AFF3: variants seen among roughly 807,000 people sequenced by gnomAD.
AFF3 encodes AF4/FMR2 family member 3.
In AFF3, 32 loss-of-function variants were observed where a neutral mutation model predicts 129.7. The observed-to-expected ratio is 0.25, with a 90% confidence interval of 0.19 to 0.33. The LOEUF is 0.33. AFF3 is among the 10% of genes least tolerant of loss of function. The probability of loss-of-function intolerance (pLI) is 1.00; values close to 1 mark genes in which losing one functional copy is unlikely to be tolerated. For missense variants in AFF3, 1,373 were observed against 1,592.0 expected, an observed-to-expected ratio of 0.86 and a Z score of 2.34; for synonymous variants, 644 against 635.4, an observed-to-expected ratio of 1.01 and a Z score of -0.20.
At chr2:99,849,663 T>A (rs1407090795) in intron 7 of AFF3, among the ~76,000 whole-genome samples, 1 of 152,204 alleles carries the variant, frequency 6.6e-6, no homozygotes, top group Admixed American at 6.5e-5. Context: ...TAGAATTACA[T>A]AAAAAGTATT....
chr2:99,861,933 C>T (rs1050006165), intron 7 of AFF3, among the ~76,000 whole-genome samples: 2 of 152,076 alleles, frequency 1.3e-5, no homozygotes, highest in East Asian at 1.9e-4. Flanking sequence ...CTCTTATGGC[C>T]TATTTTCTTG....
At chr2:99,587,820 GC>G (rs1678278347) in intron 15 of AFF3, among the ~76,000 whole-genome samples, 2 of 151,974 alleles carry the variant, frequency 1.3e-5, no homozygotes, top group Admixed American at 1.3e-4. Context: ...CACCATCCTG[GC>G]CAACATGGTG....
At chr2:100,125,041 A>G (rs899026638) in intron 2 of AFF3, among the ~76,000 whole-genome samples, 1 of 152,314 alleles carries the variant, frequency 6.6e-6, no homozygotes, top group Non-Finnish European at 1.5e-5. Context: ...CAAAAGGTAA[A>G]CATGTATCTG....
intron 10 of AFF3, among the ~76,000 whole-genome samples, 199 bp downstream of exon 10, chr2:99,743,905 T>A (rs1553444811): frequency 6.6e-6 from 1 of 152,176 alleles, no homozygotes; most frequent in Non-Finnish European, 1.5e-5. Context: ...TGGCCTTCCT[T>A]TCCTTGAATA....
At chr2:100,017,052 T>A (rs1356952008) in intron 4 of AFF3, among the ~76,000 whole-genome samples, 2 of 151,922 alleles carry the variant, frequency 1.3e-5, no homozygotes, top group Non-Finnish European at 2.9e-5. Context: ...ATGACGATGC[T>A]GGTGGTGGTG....
Position 99,631,311 on chromosome 2 carries a change from C to T in AFF3, c.1184+18315G>A, listed in dbSNP as rs540808548. Among the ~76,000 whole-genome samples, 47 of 152,300 alleles carry T rather than the reference C, an allele frequency of 3.1e-4. 2 individuals carry two copies. In the South Asian group the frequency reaches 6.8e-3, roughly 22 times the overall value. On this transcript the variant is annotated intron_variant, in intron 13 of 24. Coordinates refer to ENST00000672756, the MANE Select transcript of AFF3 (RefSeq NM_001386135.1). ...CAGACAATGTCCTTTAAATTTGTCC[C>T]CATCTGCCTATCAAGAGATTACCCA...
chr2:100,092,169 G>C lies in AFF3; in HGVS notation c.53+12233C>G, dbSNP rs185710803. 1.9e-3 allele frequency among the ~76,000 whole-genome samples: 285 copies of C among 152,150 alleles called. 1 individual carries two copies. The highest frequency in any genetic ancestry group is 3.9e-3 in the South Asian group (19 of 4,816). ...CTTCATGGTCCAAGGGCATTTACAC[G>C]CAATACATTTAAATCCAAAGGGTTC... is the stretch of plus-strand genomic sequence containing the variant. On this transcript the variant is annotated intron_variant, in intron 4 of 24. Transcript: ENST00000672756.
At chr2:100,058,234 G>C (rs1686964274) in intron 4 of AFF3, among the ~76,000 whole-genome samples, 1 of 152,174 alleles carries the variant, frequency 6.6e-6, no homozygotes, top group Admixed American at 6.5e-5. Context: ...CTCAGAGGAA[G>C]CACTTGCCCA....
chr2:100,063,252 CAAAAAAAAAA>C (rs33964775), intron 4 of AFF3, among the ~76,000 whole-genome samples: 1 of 101,814 alleles, frequency 9.8e-6, no homozygotes, highest in Admixed American at 1.2e-4. Context: ...AACTCCATCT[CAAAAAAAAAA>C]AAAAAAAAAA....
chr2:100,135,116 C>T (rs1030271375), intron 1 of AFF3, among the ~76,000 whole-genome samples: 2 of 152,142 alleles, frequency 1.3e-5, no homozygotes, highest in African/African-American at 4.8e-5. Context: ...GGAGAGAGCA[C>T]CAGAACAGTT....
intron 8 of AFF3, among the ~76,000 whole-genome samples, chr2:99,805,881 T>C (rs1422741387): frequency 6.6e-6 from 1 of 151,548 alleles, no homozygotes; most frequent in Non-Finnish European, 1.5e-5. Context: ...GCTCTTTTCA[T>C]GGAACAGGAT....
intron 7 of AFF3, among the ~76,000 whole-genome samples, chr2:99,901,290 A>T (rs1288013887): frequency 6.6e-6 from 1 of 152,180 alleles, no homozygotes; most frequent in South Asian, 2.1e-4. Context: ...TCTACCATGG[A>T]TCTCCTCTAC....
intron 7 of AFF3, among the ~76,000 whole-genome samples, chr2:99,938,799 A>C (rs1674760833): frequency 6.6e-6 from 1 of 152,200 alleles, no homozygotes; most frequent in Non-Finnish European, 1.5e-5. Context: ...AATTATGTGA[A>C]CCAATTCTTT....
At chr2:100,012,602 C>T (rs1049500489) in intron 4 of AFF3, among the ~76,000 whole-genome samples, 6 of 152,174 alleles carry the variant, frequency 3.9e-5, no homozygotes, top group Non-Finnish European at 8.8e-5. Context: ...AAAATTGTGC[C>T]GGTGCTCACC....
intron 4 of AFF3, among the ~76,000 whole-genome samples, chr2:100,085,629 GC>G (rs1431291027): frequency 6.7e-6 from 1 of 149,714 alleles, no homozygotes; most frequent in African/African-American, 2.5e-5. Flanking sequence ...AATTTGATAA[GC>G]CCTGGACTAC....
chr2:100,017,267 AG>A (rs1683214767), intron 4 of AFF3, among the ~76,000 whole-genome samples: 1 of 152,138 alleles, frequency 6.6e-6, no homozygotes, highest in Admixed American at 6.6e-5. Flanking sequence ...TTCCCCCAAC[AG>A]CACTATAACA....
intron 22 of AFF3, among the ~76,000 whole-genome samples, chr2:99,555,091 C>T (rs2104504227): frequency 6.6e-6 from 1 of 152,326 alleles, no homozygotes; most frequent in East Asian, 1.9e-4. Flanking sequence ...GACAAGGTGC[C>T]TGCATCAGCC....
intron 4 of AFF3, among the ~76,000 whole-genome samples, chr2:100,042,075 C>A (rs919484147): frequency 1.3e-5 from 2 of 152,180 alleles, no homozygotes; most frequent in Non-Finnish European, 2.9e-5. Flanking sequence ...CTCCAGCCCC[C>A]GGCCCGGCCC....
chr2:99,615,338 T>C (rs1681313001), intron 13 of AFF3, among the ~76,000 whole-genome samples: 8 of 152,244 alleles, frequency 5.3e-5, no homozygotes, highest in Admixed American at 4.6e-4. Context: ...GCAAGACCAG[T>C]TTGCAGCTGC....
Sources: gnomAD v4.1 joint callset for allele counts (sites outside exome capture counted in the v4.1 genomes callset) on GRCh38, gnomAD v4.1.1 for gene constraint, MANE v1.5 for transcripts, NCBI Gene and HGNC (gene_info 2026-07-23, HGNC 2026-07-21) for gene names.